Variants in M6PR observed in about 807,000 individuals in gnomAD.
The protein encoded by M6PR is cation-dependent mannose-6-phosphate receptor.
M6PR carries 19 observed loss-of-function variants against 33.1 expected under a neutral mutation model. The ratio of observed to expected loss-of-function variants is 0.57; its 90% CI spans 0.40 to 0.84. The LOEUF (loss-of-function observed/expected upper bound fraction) is 0.84. M6PR is among the 40% of genes least tolerant of loss of function. The pLI is 0.00. For synonymous variants in M6PR, 111 were observed against 123.4 expected (o/e 0.90, Z 0.67); for missense variants, 295 against 336.0 (o/e 0.88, Z 0.95).
intron 6 of M6PR, 130 bp from the exon 7 acceptor site, chr12:8,942,070 C>T: frequency 9.5e-7 from 1 of 1,052,126 alleles, no homozygotes; most frequent in South Asian, 1.6e-5. Context: ...CCTAAAAGAT[C>T]TGACAATCAG....
intron 1 of M6PR, chr12:8,946,927 G>C (rs1946102699): frequency 6.6e-6 from 1 of 152,308 alleles, no homozygotes; most frequent in African/African-American, 2.4e-5. Flanking sequence ...AAAACACACA[G>C]ACAGCTCTCT....
In M6PR at chr12:8,946,528, T is replaced by C. The variant is rs1946097375; in HGVS notation, c.-1-123A>G. 1.5e-5 allele frequency: 11 copies of C among 721,810 alleles called. No homozygotes were observed. In the South Asian group the frequency reaches 1.6e-4, roughly 10 times the overall value. 44.7% of individuals were successfully genotyped at this position (721,810 alleles called of 1,614,324 possible). A position where few individuals can be genotyped will look rare whatever the true frequency, so the allele number is the denominator to read the frequency against. On this transcript the variant is annotated intron_variant, in intron 1 of 6. Coordinates refer to ENST00000000412, the MANE Select transcript of M6PR (RefSeq NM_002355.4). The stretch of plus-strand genomic sequence containing the variant: ...ATTATCCAGAAAGTACAAGATTCTC[T>C]GGCATATGCAACACATAGTACATTT...
intron 3 of M6PR, 193 bp downstream of exon 3, chr12:8,945,225 C>T (rs1383475680): frequency 3.6e-6 from 2 of 556,544 alleles, no homozygotes; most frequent in Non-Finnish European, 6.4e-6. Context: ...TTTTAATGCA[C>T]AACTGTCCTG....
chr12:8,942,503 G>A lies in M6PR; in HGVS notation c.624C>T (p.Phe208=), dbSNP rs1946030693. 6.2e-7 allele frequency: 1 copy of A among 1,614,042 alleles called. No homozygotes were observed. Among genetic ancestry groups the A allele is most frequent in the Non-Finnish European group, 8.5e-7 (1 of 1,180,032 alleles). The change falls in exon 6 of 7, where the codon TTC becomes TTT. Residue 208 remains phenylalanine, a synonymous_variant. Transcript: ENST00000000412. ...SLVAVYVVGG[F]LYQRLVVGAK... ...CTCCCACTACCAGTCGCTGGTATAGGAACCCCCCAACAACATAAACAGCAA... is the reference window on the plus strand; with the variant it reads ...CTCCCACTACCAGTCGCTGGTATAGAAACCCCCCAACAACATAAACAGCAA...
intron 3 of M6PR, among the ~76,000 whole-genome samples, chr12:8,944,902 T>A (rs1946072773): frequency 6.6e-6 from 1 of 152,182 alleles, no homozygotes; most frequent in South Asian, 2.1e-4. Context: ...GGTTCATGCC[T>A]GTAATCCCAG....
Position 8,945,554 on chromosome 12 carries a change from G to C in M6PR, c.207C>G (p.Asp69Glu). 6.2e-7 allele frequency: 1 copy of C among 1,614,126 alleles called. No homozygotes were observed. Among genetic ancestry groups the C allele is most frequent in the African/African-American group, 1.3e-5 (1 of 75,038 alleles). ...ACACCCTGAAGATGTAGATGTATGT[G>C]TCTGAACCCTGGCCCACAGTGCTCT... The part of the protein sequence containing the change: ...SFESTVGQGS[D>E]TYIYIFRVCR... The change falls in exon 3 of 7, where the codon GAC becomes GAG. Residue 69 changes from aspartate (D) to glutamate (E), a missense_variant. Asp to Glu is a conservative substitution (Grantham distance 45, BLOSUM62 2). Transcript: ENST00000000412.
rs748005996 is a variant in M6PR, at chr12:8,943,265, G to A, written c.584+140C>T. The A allele has an allele frequency of 3.8e-6, 4 of 1,051,580 alleles. No individual in the cohort carries two copies. In the African/African-American group the frequency reaches 6.5e-5, roughly 17 times the overall value. The allele number at this position is 1,051,580 out of a possible 1,614,324, so 65.1% of individuals were successfully genotyped here. A position where few individuals can be genotyped will look rare whatever the true frequency, so the allele number is the denominator to read the frequency against. ...TGTGTCCTGGCAGAATTATTTTATA[G>A]CCAGAGGATTTAAAAAGTTATCCCC... On this transcript the variant is annotated intron_variant, in intron 5 of 6. Coordinates refer to ENST00000000412, the MANE Select transcript of M6PR (RefSeq NM_002355.4).
At chr12:8,946,450 G>A (rs1565530788) in intron 1 of M6PR, 45 bp from the exon 2 acceptor site, 1 of 1,493,078 alleles carries the variant, frequency 6.7e-7, no homozygotes, top group Admixed American at 1.7e-5. Flanking sequence ...AGGATCAGGA[G>A]AGAGAGGAAA....
At chr12:8,943,243 G>T in intron 5 of M6PR, 162 bp downstream of exon 5, 2 of 907,612 alleles carry the variant, frequency 2.2e-6, no homozygotes, top group Non-Finnish European at 3.2e-6. Context: ...TGAGCCCTGT[G>T]TCCTGGCAGA....
intron 3 of M6PR, 76 bp from the exon 4 acceptor site, chr12:8,943,986 G>A: frequency 1.1e-6 from 1 of 925,998 alleles, no homozygotes; most frequent in South Asian, 1.3e-5. Flanking sequence ...TGGCAGAGTG[G>A]AATTGCGTAA....
At chr12:8,946,594 T>C (rs1946098225) in intron 1 of M6PR, 189 bp from the exon 2 acceptor site, 1 of 517,408 alleles carries the variant, frequency 1.9e-6, no homozygotes. Context: ...AGAAAATTCA[T>C]TTATATGTAA....
chr12:8,945,656 T>A, intron 2 of M6PR, 72 bp from the exon 3 acceptor site: 1 of 1,274,796 alleles, frequency 7.8e-7, no homozygotes, highest in South Asian at 1.3e-5. Flanking sequence ...AGCATCCCTT[T>A]CCTTAATTAA....
intron 1 of M6PR, among the ~76,000 whole-genome samples, chr12:8,948,364 A>G (rs1396974412): frequency 6.6e-6 from 1 of 152,252 alleles, no homozygotes; most frequent in African/African-American, 2.4e-5. Flanking sequence ...TTCACAGATG[A>G]GAAAACTGAT....
rs1946053949 is a variant in M6PR at position 8,943,460 on chromosome 12, G to A, written c.529C>T (p.Leu177=). 3.1e-6 allele frequency: 5 copies of A among 1,614,178 alleles called. No homozygotes were observed. The highest frequency in any genetic ancestry group is 4.2e-6 in the Non-Finnish European group (5 of 1,180,020). The change falls in exon 5 of 7, where the codon CTG becomes TTG. Residue 177 remains leucine, a synonymous_variant. Transcript: ENST00000000412. ...TGGGAGATCTCTGGTGAACAGGCCA[G>A]GCTGCTATCCATCTCAAAGAGGTAG... ...CFYLFEMDSS[L]ACSPEISHLS...
intron 1 of M6PR, among the ~76,000 whole-genome samples, chr12:8,948,120 G>T (rs1946126847): frequency 6.6e-6 from 1 of 152,136 alleles, no homozygotes; most frequent in Non-Finnish European, 1.5e-5. Flanking sequence ...ACAAAATTAG[G>T]AAGGGATGAA....
Position 8,941,864 on chromosome 12 carries a change from A to C in M6PR, c.788T>G (p.Leu263Arg), listed in dbSNP as rs1393778068. 1.9e-6 allele frequency: 3 copies of C among 1,614,094 alleles called. No homozygotes were observed. Among genetic ancestry groups the C allele is most frequent in the Non-Finnish European group, 2.5e-6 (3 of 1,180,034 alleles). The change falls in exon 7 of 7, where the codon CTG becomes CGG. Residue 263 changes from leucine (L) to arginine (R), a missense_variant. By Grantham distance (102) the Leu-to-Arg change is moderately radical. Transcript: ENST00000000412. ...ATCCCTTTCTTCTGACTCCTCCCCC[A>C]GCTGGTCATCCCCCACACCACGATA... ...AAYRGVGDDQ[L>R]GEESEERDDH... is the part of the protein sequence containing the mutation.
In M6PR at chr12:8,949,563, G is replaced by A. The variant is rs901829017; in HGVS notation, c.-77C>T. ...CTTCTGGGGATGGGAGACGGGGCCA[G>A]CTAGGGGCCGGCCGCAGACCCCGGT... On this transcript the variant is annotated 5_prime_UTR_variant, in exon 1 of 7. Coordinates refer to ENST00000000412, the MANE Select transcript of M6PR (RefSeq NM_002355.4). This position sits in a 1 kb window ranked among gnomAD's most constrained non-coding sequence, Gnocchi z 5.6. 4 of 152,116 alleles carry A rather than the reference G, an allele frequency of 2.6e-5. No individual in the cohort carries two copies. The highest frequency in any genetic ancestry group is 9.7e-5 in the African/African-American group (4 of 41,402). 9.4% of individuals were successfully genotyped at this position (152,116 alleles called of 1,614,324 possible).
At position 8,943,794 on chromosome 12, in the gene M6PR, GC is replaced by G; in HGVS notation, c.453+6del. On this transcript the variant is annotated splice_donor_region_variant and intron_variant, in intron 4 of 6. Coordinates refer to ENST00000000412, the MANE Select transcript of M6PR (RefSeq NM_002355.4). ...TCCCTCGGCTTATACAACACAGGGT[GC>G]CTCACCGCTAGGGTGTGTCGATTGC... 6.2e-7 allele frequency: 1 copy of G among 1,609,040 alleles called. No homozygotes were observed. The highest frequency in any genetic ancestry group is 8.5e-7 in the Non-Finnish European group (1 of 1,177,040).
At chr12:8,943,931 T>TA (rs1465067955) in intron 3 of M6PR, 21 bp from the exon 4 acceptor site, 2 of 1,527,384 alleles carry the variant, frequency 1.3e-6, no homozygotes, top group East Asian at 4.5e-5. Flanking sequence ...ACAAGGAAAA[T>TA]GGAGCTATGG....
Sources: gnomAD v4.1 joint callset for allele counts (sites outside exome capture counted in the v4.1 genomes callset) on GRCh38, gnomAD v4.1.1 for gene constraint, Gnocchi (gnomAD v3.1) non-coding constraint, MANE v1.5 for transcripts, NCBI Gene and HGNC (gene_info 2026-07-23, HGNC 2026-07-21) for gene names.